RETREG1: variants seen among roughly 807,000 people sequenced by gnomAD.
RETREG1 encodes the protein reticulophagy regulator 1.
Under a neutral mutation model 54.8 loss-of-function variants are expected in RETREG1, and 44 were observed. The ratio of observed to expected loss-of-function variants is 0.80; its 90% CI spans 0.63 to 1.03. The LOEUF (loss-of-function observed/expected upper bound fraction) is 1.03. Ranked by LOEUF, RETREG1 falls within the 50% of genes least tolerant of loss-of-function variation. RETREG1 has a pLI of 0.00. For missense variants in RETREG1, 554 were observed against 605.1 expected (o/e 0.92, Z 0.89); for synonymous variants, 217 against 238.5 (o/e 0.91, Z 0.83).
Position 16,597,802 on chromosome 5 carries a change from G to A in RETREG1, c.320+18850C>T, listed in dbSNP as rs141223708. ...TGCCAGGGGTTGTTTGTAATGGCCCGTCAGTTCTCCAGGCCTGAAAGAGGT... is the reference window on the plus strand; with the variant it reads ...TGCCAGGGGTTGTTTGTAATGGCCCATCAGTTCTCCAGGCCTGAAAGAGGT... On this transcript the variant is annotated intron_variant, in intron 1 of 8. Transcript: ENST00000306320. This position sits in a 1 kb window ranked among gnomAD's most constrained non-coding sequence, Gnocchi z 4.3. 1.9e-3 allele frequency among the ~76,000 whole-genome samples: 287 copies of A among 152,182 alleles called. 1 individual carries two copies. Among genetic ancestry groups the A allele is most frequent in the Admixed American group, 3.1e-3 (48 of 15,288 alleles).
intron 1 of RETREG1, among the ~76,000 whole-genome samples, chr5:16,607,371 C>T (rs1411783537): frequency 6.6e-6 from 1 of 152,002 alleles, no homozygotes; most frequent in Non-Finnish European, 1.5e-5. Flanking sequence ...CGTGGTGGCT[C>T]GGCTGGCCAA....
intron 3 of RETREG1, among the ~76,000 whole-genome samples, chr5:16,527,845 C>A (rs1300154237): frequency 9.6e-6 from 1 of 103,756 alleles, no homozygotes; most frequent in Admixed American, 1.2e-4. Context: ...AGTCTCGCTC[C>A]GTCGCCCAGA....
chr5:16,554,005 T>A (rs1741619432), intron 3 of RETREG1, among the ~76,000 whole-genome samples: 1 of 152,048 alleles, frequency 6.6e-6, no homozygotes. Flanking sequence ...ATGCAAAGAG[T>A]TTCCAAATCT....
chr5:16,515,989 T>C (rs1364126527), intron 3 of RETREG1, among the ~76,000 whole-genome samples: 1 of 150,942 alleles, frequency 6.6e-6, no homozygotes, highest in Non-Finnish European at 1.5e-5. Flanking sequence ...CTATCTTCAG[T>C]AGATTGTGTT....
chr5:16,512,826 T>C (rs540425087), intron 3 of RETREG1, among the ~76,000 whole-genome samples: 1 of 152,318 alleles, frequency 6.6e-6, no homozygotes, highest in South Asian at 2.1e-4. Flanking sequence ...TGAGGCCTTC[T>C]GTGATTGTTC....
intron 3 of RETREG1, among the ~76,000 whole-genome samples, chr5:16,538,512 C>G (rs759099930): frequency 6.6e-6 from 1 of 152,102 alleles, no homozygotes; most frequent in African/African-American, 2.4e-5. Context: ...AAGCTCTGCA[C>G]GATACTTCTA....
Position 16,561,341 on chromosome 5 carries a change from C to A in RETREG1, c.458+4422G>T, listed in dbSNP as rs556841156. Among the ~76,000 whole-genome samples the A allele has an allele frequency of 2.0e-4, 30 of 151,772 alleles. No individual in the cohort carries two copies. The highest frequency in any genetic ancestry group is 6.8e-4 in the African/African-American group (28 of 41,372). ...TGAAACCCCGTCTCTACTAAAAATA[C>A]AAAAAATTAGCTGGGCATGGTGGTG... On this transcript the variant is annotated intron_variant, in intron 3 of 8. Coordinates refer to ENST00000306320, the MANE Select transcript of RETREG1 (RefSeq NM_001034850.3). The surrounding 1 kb of genome is among the most constrained non-coding windows in gnomAD (Gnocchi z 4.2).
intron 1 of RETREG1, among the ~76,000 whole-genome samples, chr5:16,573,756 T>TTTTTTTTTTTA: frequency 6.7e-6 from 1 of 148,858 alleles, no homozygotes. Flanking sequence ...TTTTTTTTTT[T>TTTTTTTTTTTA]TTTTTGAGAT....
chr5:16,509,185 T>C (rs370322212), intron 3 of RETREG1, among the ~76,000 whole-genome samples: 2 of 152,130 alleles, frequency 1.3e-5, no homozygotes, highest in Non-Finnish European at 2.9e-5. Flanking sequence ...AGGCTGTACC[T>C]GTGAGGGTTG....
Position 16,573,901 on chromosome 5 carries a change from C to G in RETREG1, c.321-1799G>C, listed in dbSNP as rs73051606. Among the ~76,000 whole-genome samples the G allele has an allele frequency of 3.2e-3, 494 of 152,114 alleles. 3 individuals are homozygous for G. The highest frequency in any genetic ancestry group is 0.012 in the African/African-American group (479 of 41,512). On this transcript the variant is annotated intron_variant, in intron 1 of 8. Transcript: ENST00000306320. The stretch of plus-strand genomic sequence containing the variant: ...CTGGAAATATAGGTGTCTGCCACCA[C>G]GCCCAGCTAATTTATTTGTATTTTT...
intron 3 of RETREG1, among the ~76,000 whole-genome samples, chr5:16,485,360 AC>A (rs1460555374): frequency 6.6e-6 from 1 of 152,192 alleles, no homozygotes; most frequent in African/African-American, 2.4e-5. Flanking sequence ...TTTCTTTTAA[AC>A]ATTAAGATGG....
intron 3 of RETREG1, among the ~76,000 whole-genome samples, chr5:16,564,705 C>T (rs964375882): frequency 6.6e-6 from 1 of 152,172 alleles, no homozygotes; most frequent in South Asian, 2.1e-4. Context: ...GATCACGTTT[C>T]TCTTCTTATA....
intron 2 of RETREG1, among the ~76,000 whole-genome samples, chr5:16,571,710 T>C (rs2126633239): frequency 6.6e-6 from 1 of 152,260 alleles, no homozygotes; most frequent in South Asian, 2.1e-4. Context: ...TGAGATGTAA[T>C]AAATATTTAA....
At chr5:16,571,901 T>C (rs937482471) in intron 2 of RETREG1, 95 bp downstream of exon 2, 3 of 878,076 alleles carry the variant, frequency 3.4e-6, no homozygotes, top group African/African-American at 3.4e-5. Flanking sequence ...TTGCTTCTGT[T>C]CAAAGGACTA....
intron 1 of RETREG1, among the ~76,000 whole-genome samples, chr5:16,584,840 G>A (rs73051620): frequency 0.025 from 3,743 of 152,266 alleles, 156 homozygotes; most frequent in African/African-American, 0.086. Flanking sequence ...TATGTGTGTT[G>A]GCTGGGGGGT....
rs984861551 is a variant in RETREG1, at chr5:16,610,486, G to A, written c.320+6166C>T. ...TGAACAGGCAACCTACAGAATGGGA[G>A]AAAATTTTTGCAATCTACTCATCTG... On this transcript the variant is annotated intron_variant, in intron 1 of 8. Coordinates refer to ENST00000306320, the MANE Select transcript of RETREG1 (RefSeq NM_001034850.3). Among the ~76,000 whole-genome samples, 3 of 152,292 alleles carry A rather than the reference G, an allele frequency of 2.0e-5. No individual in the cohort carries two copies. In the South Asian group the frequency reaches 6.2e-4, roughly 32 times the overall value.
At position 16,578,711 on chromosome 5, in the gene RETREG1, C is replaced by T. The variant is rs574833709; in HGVS notation, c.321-6609G>A. On this transcript the variant is annotated intron_variant, in intron 1 of 8. Coordinates refer to ENST00000306320, the MANE Select transcript of RETREG1 (RefSeq NM_001034850.3). ...CAACATTTCTTGCAGCATTCAATTT[C>T]CGGCAGCATCCTATTATTACTGGGG... 6.6e-5 allele frequency among the ~76,000 whole-genome samples: 10 copies of T among 152,320 alleles called. No individual in the cohort carries two copies. The South Asian group carries it at 1.9e-3, about 28-fold the overall frequency.
At chr5:16,609,712 T>A (rs1743287046) in intron 1 of RETREG1, among the ~76,000 whole-genome samples, 1 of 151,990 alleles carries the variant, frequency 6.6e-6, no homozygotes, top group South Asian at 2.1e-4. Flanking sequence ...AAGAGAAGAC[T>A]CAGTGGGAAC....
chr5:16,569,700 A>G (rs549411573), intron 2 of RETREG1, among the ~76,000 whole-genome samples: 1 of 152,342 alleles, frequency 6.6e-6, no homozygotes, highest in South Asian at 2.1e-4. Context: ...AAAGATACCA[A>G]GTCACAATCC....
Sources: gnomAD v4.1 joint callset for allele counts (sites outside exome capture counted in the v4.1 genomes callset) on GRCh38, gnomAD v4.1.1 for gene constraint, Gnocchi (gnomAD v3.1) non-coding constraint, MANE v1.5 for transcripts, NCBI Gene and HGNC (gene_info 2026-07-23, HGNC 2026-07-21) for gene names.